Variants in CCDC81 observed in about 807,000 individuals in gnomAD.
CCDC81 encodes coiled-coil domain containing 81.
In CCDC81, 79 loss-of-function variants were observed where a neutral mutation model predicts 83.7. The ratio of observed to expected loss-of-function variants is 0.94; its 90% CI spans 0.79 to 1.14. The LOEUF is 1.14. CCDC81 is among the 50% of genes most tolerant of loss of function. The probability of loss-of-function intolerance (pLI) is 0.00; values close to 1 mark genes in which losing one functional copy is unlikely to be tolerated. For missense variants in CCDC81, 791 were observed against 778.1 expected (o/e 1.02, Z -0.20); for synonymous variants, 252 against 278.1 (o/e 0.91, Z 0.93).
rs753255217 is a variant in CCDC81 at position 86,395,331 on chromosome 11, T to G, written c.556-3T>G. ...GTAACCTTGCTCTGTTGCTGTCCTC[T>G]AGAGGCCTGGCACTGTGGACTCGGT... On this transcript the variant is annotated splice_region_variant and splice_polypyrimidine_tract_variant and intron_variant, in intron 4 of 14. Transcript: ENST00000445632. The G allele has an allele frequency of 2.5e-6, 4 of 1,613,696 alleles. No homozygotes were observed. The highest frequency in any genetic ancestry group is 3.3e-5 in the Admixed American group (2 of 59,996).
rs1948351865 is a variant in CCDC81 at position 86,392,803 on chromosome 11, T to C, written c.555+6T>C. ...TGGCAAAGGCCCTAGCAAATGTAAATTAATATTTTCCTTCTCCTAAGTCTT... is the reference window on the plus strand; with the variant it reads ...TGGCAAAGGCCCTAGCAAATGTAAACTAATATTTTCCTTCTCCTAAGTCTT... On this transcript the variant is annotated splice_donor_region_variant and intron_variant, in intron 4 of 14. Transcript: ENST00000445632. The C allele has an allele frequency of 1.9e-6, 3 of 1,546,350 alleles. No homozygotes were observed. The highest frequency in any genetic ancestry group is 1.7e-6 in the Non-Finnish European group (2 of 1,144,500).
Position 86,392,712 on chromosome 11 carries a change from G to C in CCDC81, c.470G>C (p.Arg157Thr). 2.6e-6 allele frequency: 4 copies of C among 1,551,688 alleles called. No homozygotes were observed. Among genetic ancestry groups the C allele is most frequent in the Non-Finnish European group, 3.5e-6 (4 of 1,146,976 alleles). ...AAAGGAATTGGGGTCCTCATGATCA[G>C]AGACAGCAAAGTGAAGATGAGGTTT... ...TFKGIGVLMI[R>T]DSKVKMRFYK... The change falls in exon 4 of 15, where the codon AGA (arginine) becomes ACA (threonine). Residue 157 changes from arginine (R) to threonine (T), a missense_variant. Arg to Thr is a moderately conservative substitution (Grantham distance 71). Coordinates refer to ENST00000445632, the MANE Select transcript of CCDC81 (RefSeq NM_001156474.2).
At chr11:86,410,234 T>C (rs528092839) in intron 10 of CCDC81, among the ~76,000 whole-genome samples, 2 of 152,332 alleles carry the variant, frequency 1.3e-5, no homozygotes, top group African/African-American at 4.8e-5. Flanking sequence ...ATCTAGGTAG[T>C]CGACACTCCG....
intron 6 of CCDC81, among the ~76,000 whole-genome samples, chr11:86,398,465 T>C (rs902343505): frequency 2.0e-5 from 3 of 152,150 alleles, no homozygotes; most frequent in Admixed American, 2.0e-4. Context: ...TATGTCTGCA[T>C]CTAATCTGTT....
intron 6 of CCDC81, among the ~76,000 whole-genome samples, chr11:86,400,292 G>A (rs183509164): frequency 8.5e-4 from 129 of 152,152 alleles, no homozygotes; most frequent in African/African-American, 3.0e-3. Flanking sequence ...TTTTTTGTTT[G>A]TATCTTATTT....
chr11:86,411,045 T>A (rs1948635664), intron 10 of CCDC81, among the ~76,000 whole-genome samples: 1 of 152,206 alleles, frequency 6.6e-6, no homozygotes, highest in Admixed American at 6.5e-5. Context: ...GCCAAAGTGA[T>A]ATTATAATAT....
At position 86,415,115 on chromosome 11, in the gene CCDC81, T is replaced by A. The variant is rs1472843705; in HGVS notation, c.1493T>A (p.Leu498Gln). The A allele has an allele frequency of 6.2e-7, 1 of 1,614,086 alleles. No homozygotes were observed. The highest frequency in any genetic ancestry group is 8.5e-7 in the Non-Finnish European group (1 of 1,180,036). ...DAQIKNKPSR[L>Q]PPFEPDSSEP... is the part of the protein sequence containing the mutation. ...AAGATAAAGAACAAACCCTCTCGGC[T>A]GCCCCCCTTTGAGCCAGACTCCTCT... The change falls in exon 13 of 15, where the codon CTG becomes CAG. Residue 498 changes from leucine to glutamine, a missense_variant. By Grantham distance (113) the Leu-to-Gln change is moderately radical. Transcript: ENST00000445632.
At chr11:86,402,146 A>AG (rs1948499963) in intron 7 of CCDC81, among the ~76,000 whole-genome samples, 2 of 151,266 alleles carry the variant, frequency 1.3e-5, no homozygotes, top group Admixed American at 1.3e-4. Flanking sequence ...AAAAAAAAAA[A>AG]AAAAAAAGAA....
intron 7 of CCDC81, among the ~76,000 whole-genome samples, chr11:86,401,005 A>G (rs1193350773): frequency 6.6e-6 from 1 of 152,192 alleles, no homozygotes; most frequent in South Asian, 2.1e-4. Flanking sequence ...GGGATAAATT[A>G]CGATTCAGTG....
At chr11:86,384,600 A>G (rs1379024491) in intron 1 of CCDC81, among the ~76,000 whole-genome samples, 1 of 152,230 alleles carries the variant, frequency 6.6e-6, no homozygotes, top group African/African-American at 2.4e-5. Flanking sequence ...TCCGTGTTTT[A>G]GCTAGTGGTT....
intron 1 of CCDC81, among the ~76,000 whole-genome samples, chr11:86,381,114 T>A (rs1948171479): frequency 6.6e-6 from 1 of 152,182 alleles, no homozygotes; most frequent in African/African-American, 2.4e-5. Flanking sequence ...CAGGTCTCAG[T>A]CTTTTAGTGA....
At chr11:86,421,799 T>G (rs1241001714) in intron 14 of CCDC81, among the ~76,000 whole-genome samples, 3 of 152,016 alleles carry the variant, frequency 2.0e-5, no homozygotes, top group Non-Finnish European at 1.5e-5. Context: ...ACACCTGTCA[T>G]TCCAGCTACT....
In CCDC81 at chr11:86,387,732, G is replaced by GAAAGGGC. The variant is rs752917070; in HGVS notation, c.298+65_298+71dup. ...GGTTACTGTCCTGGGGATAAAAAAT[G>GAAAGGGC]AAAGGGCAAAGCGTAGCCAGTGCTG... is the stretch of plus-strand genomic sequence containing the variant. On this transcript the variant is annotated intron_variant, in intron 3 of 14. Coordinates refer to ENST00000445632, the MANE Select transcript of CCDC81 (RefSeq NM_001156474.2). 189 of 1,211,226 alleles carry GAAAGGGC rather than the reference G, an allele frequency of 1.6e-4. 2 individuals are homozygous for GAAAGGGC. The Middle Eastern group carries it at 5.7e-3, about 37-fold the overall frequency. 75.0% of individuals were successfully genotyped at this position (1,211,226 alleles called of 1,614,324 possible). A position where few individuals can be genotyped will look rare whatever the true frequency, so the allele number is the denominator to read the frequency against.
chr11:86,375,651 A>G (rs1252483951), intron 1 of CCDC81, among the ~76,000 whole-genome samples: 1 of 152,138 alleles, frequency 6.6e-6, no homozygotes, highest in Non-Finnish European at 1.5e-5. Flanking sequence ...TGCCTTTGAC[A>G]TCATGCCGTT....
intron 10 of CCDC81, among the ~76,000 whole-genome samples, chr11:86,409,974 T>C (rs1948619119): frequency 6.6e-6 from 1 of 152,118 alleles, no homozygotes; most frequent in Non-Finnish European, 1.5e-5. Flanking sequence ...CCCAAGGACC[T>C]AAGAGAACCA....
Position 86,420,058 on chromosome 11 carries a change from T to C in CCDC81, c.1817+5T>C. 1.2e-6 allele frequency: 2 copies of C among 1,608,980 alleles called. No homozygotes were observed. The highest frequency in any genetic ancestry group is 2.2e-5 in the South Asian group (2 of 90,336). On this transcript the variant is annotated splice_donor_5th_base_variant and intron_variant, in intron 14 of 14. Transcript: ENST00000445632. ...GGAGGACAAGGCTTTTGAACGGTAATGCCTGATTGGAACCCCAAAATTCTC... is the reference window on the plus strand; with the variant it reads ...GGAGGACAAGGCTTTTGAACGGTAACGCCTGATTGGAACCCCAAAATTCTC...
intron 7 of CCDC81, among the ~76,000 whole-genome samples, chr11:86,405,792 T>C (rs949266499): frequency 5.9e-4 from 89 of 150,382 alleles, no homozygotes; most frequent in Non-Finnish European, 1.1e-3. Context: ...TTTCTTTTTT[T>C]TTTTTTTTTG....
intron 1 of CCDC81, among the ~76,000 whole-genome samples, chr11:86,384,744 A>AT (rs550137185): frequency 3.3e-4 from 50 of 152,284 alleles, no homozygotes; most frequent in African/African-American, 1.2e-3. Context: ...ACTGTTCTTG[A>AT]TTTTTTATTT....
intron 6 of CCDC81, among the ~76,000 whole-genome samples, chr11:86,398,804 T>A (rs920075289): frequency 1.9e-4 from 29 of 152,094 alleles, no homozygotes; most frequent in African/African-American, 6.5e-4. Flanking sequence ...AACTCCTGAC[T>A]TCAGGTGATC....
Sources: gnomAD v4.1 joint callset for allele counts (sites outside exome capture counted in the v4.1 genomes callset) on GRCh38, gnomAD v4.1.1 for gene constraint, MANE v1.5 for transcripts, NCBI Gene and HGNC (gene_info 2026-07-23, HGNC 2026-07-21) for gene names.